GALNT13: variants seen among roughly 807,000 people sequenced by gnomAD.
The protein encoded by GALNT13 is UDP-GalNAc:polypeptide N-acetylgalactosaminyltransferase 13.
GALNT13 carries 28 observed loss-of-function variants against 64.2 expected under a neutral mutation model. The observed-to-expected ratio is 0.44, with a 90% confidence interval of 0.32 to 0.60. GALNT13 has a LOEUF of 0.60. GALNT13 is among the 20% of genes least tolerant of loss of function. The pLI, the probability that GALNT13 is intolerant of heterozygous loss-of-function variation, is 0.05. For missense variants in GALNT13, 577 were observed against 669.8 expected (o/e 0.86, Z 1.53); for synonymous variants, 214 against 224.6 (o/e 0.95, Z 0.42).
the GALNT13 span, among the ~76,000 whole-genome samples, chr2:153,503,156 C>T: frequency 6.6e-6 from 1 of 152,086 alleles, no homozygotes; most frequent in Admixed American, 6.6e-5. Flanking sequence ...CTTTGCCTAA[C>T]CCAATGTCTA....
At chr2:153,670,647 C>G in the GALNT13 span, among the ~76,000 whole-genome samples, 2 of 152,166 alleles carry the variant, frequency 1.3e-5, no homozygotes, top group Admixed American at 1.3e-4. Flanking sequence ...CTCTTCTCCT[C>G]CAAAGGAACA....
the GALNT13 span, among the ~76,000 whole-genome samples, chr2:153,318,532 G>A: frequency 6.6e-6 from 1 of 152,198 alleles, no homozygotes; most frequent in African/African-American, 2.4e-5. Flanking sequence ...TGAGGAAAGA[G>A]CCCTTTGATT....
the GALNT13 span, among the ~76,000 whole-genome samples, chr2:153,817,001 A>G: frequency 2.6e-5 from 4 of 152,222 alleles, no homozygotes; most frequent in Admixed American, 2.6e-4. Flanking sequence ...TCAAATGTCT[A>G]TGTAACCAGA....
At chr2:153,486,574 C>T in the GALNT13 span, among the ~76,000 whole-genome samples, 1 of 152,054 alleles carries the variant, frequency 6.6e-6, no homozygotes, top group Non-Finnish European at 1.5e-5. Context: ...TGTGAAATAA[C>T]GTTGTGAGTA....
At chr2:153,607,651 A>T in the GALNT13 span, among the ~76,000 whole-genome samples, 10 of 152,292 alleles carry the variant, frequency 6.6e-5, no homozygotes, top group Middle Eastern at 3.4e-3. Context: ...CATAGAAAGT[A>T]CAAAATTGAA....
intron 2 of GALNT13, among the ~76,000 whole-genome samples, chr2:153,934,412 G>T (rs1417592610): frequency 2.0e-5 from 3 of 152,056 alleles, no homozygotes; most frequent in Admixed American, 6.6e-5. Flanking sequence ...GTCTGTGAAG[G>T]TTCTGGAATT....
chr2:153,861,349 T>C, the GALNT13 span, among the ~76,000 whole-genome samples: 1 of 152,194 alleles, frequency 6.6e-6, no homozygotes, highest in African/African-American at 2.4e-5. Context: ...ATTTATTCCA[T>C]GTCTGTTTTA....
At chr2:154,146,732 G>A (rs4664725) in intron 4 of GALNT13, among the ~76,000 whole-genome samples, 152,194 of 152,196 alleles carry the variant, frequency 1, 76,096 homozygotes, top group Non-Finnish European at 1. Context: ...AATGCTGTCA[G>A]GATAAGCCAG....
chr2:153,263,168 G>T, the GALNT13 span, among the ~76,000 whole-genome samples: 107 of 151,756 alleles, frequency 7.1e-4, 1 homozygote, highest in Admixed American at 1.4e-3. Flanking sequence ...AAGCAGAGAG[G>T]CAAATTATGA....
At chr2:153,768,582 G>A in the GALNT13 span, among the ~76,000 whole-genome samples, 1 of 152,042 alleles carries the variant, frequency 6.6e-6, no homozygotes, top group Admixed American at 6.6e-5. Context: ...TTTAAAATCT[G>A]GGACAGGCAC....
the GALNT13 span, among the ~76,000 whole-genome samples, chr2:153,417,362 G>A: frequency 6.6e-6 from 1 of 152,156 alleles, no homozygotes; most frequent in African/African-American, 2.4e-5. Flanking sequence ...AGAGTGAGAG[G>A]AGGTCACTAG....
the GALNT13 span, among the ~76,000 whole-genome samples, chr2:153,611,352 C>A: frequency 6.6e-6 from 1 of 152,048 alleles, no homozygotes; most frequent in Non-Finnish European, 1.5e-5. Context: ...CCTGCCCCCC[C>A]GTCCGCCTTT....
chr2:153,933,247 G>A (rs1690659167), intron 2 of GALNT13, among the ~76,000 whole-genome samples: 3 of 152,106 alleles, frequency 2.0e-5, no homozygotes, highest in Admixed American at 6.5e-5. Context: ...CTATTGTGTG[G>A]TTATCTAAGT....
chr2:154,259,288 A>G (rs558066515), intron 8 of GALNT13, 150 bp downstream of exon 8: 6 of 627,756 alleles, frequency 9.6e-6, no homozygotes, highest in Non-Finnish European at 1.7e-5. Flanking sequence ...TTGATTTGAC[A>G]GAGTCCTATT....
At chr2:154,226,799 T>C (rs1429305683) in intron 4 of GALNT13, among the ~76,000 whole-genome samples, 1 of 152,166 alleles carries the variant, frequency 6.6e-6, no homozygotes, top group Admixed American at 6.6e-5. Flanking sequence ...AACAAAGTTG[T>C]TCCTTGAAAC....
intron 3 of GALNT13, among the ~76,000 whole-genome samples, chr2:153,956,380 A>G (rs1416137015): frequency 6.6e-6 from 1 of 152,144 alleles, no homozygotes; most frequent in Non-Finnish European, 1.5e-5. Flanking sequence ...AGATATAGAG[A>G]CCATTTTCTA....
chr2:153,722,046 CAT>C, the GALNT13 span, among the ~76,000 whole-genome samples: 1 of 149,240 alleles, frequency 6.7e-6, no homozygotes, highest in Non-Finnish European at 1.5e-5. Context: ...AAATTGACCA[CAT>C]AGTTGGAAGT....
chr2:153,708,954 C>G, the GALNT13 span, among the ~76,000 whole-genome samples: 14 of 152,076 alleles, frequency 9.2e-5, no homozygotes, highest in African/African-American at 3.4e-4. Context: ...GAAATTGGGC[C>G]TTATCATACA....
chr2:154,410,440 A>C (rs1294914961), intron 11 of GALNT13, among the ~76,000 whole-genome samples: 1 of 151,970 alleles, frequency 6.6e-6, no homozygotes, highest in Non-Finnish European at 1.5e-5. Flanking sequence ...AGCTGGTCAG[A>C]AGAGGACTGC....
Sources: allele counts gnomAD v4.1 joint callset (sites outside exome capture counted in the v4.1 genomes callset), GRCh38; gene constraint gnomAD v4.1.1; transcripts MANE v1.5; gene names NCBI Gene and HGNC (gene_info 2026-07-23, HGNC 2026-07-21).